The following BCAS3 variants were observed in gnomAD, a reference collection of about 807,000 sequenced individuals.
The protein encoded by BCAS3 is BCAS4/BCAS3 fusion.
A neutral mutation model predicts 116.1 loss-of-function variants in BCAS3; 53 were observed. That is an observed-to-expected ratio of 0.46 (90% CI 0.37 to 0.57). BCAS3 has a LOEUF of 0.57. Ranked by LOEUF, BCAS3 falls within the 20% of genes least tolerant of loss-of-function variation. The probability of loss-of-function intolerance (pLI) is 0.00; values close to 1 mark genes in which losing one functional copy is unlikely to be tolerated. For synonymous variants in BCAS3, 391 were observed against 408.2 expected, an observed-to-expected ratio of 0.96 and a Z score of 0.51; for missense variants, 917 against 1,165.4, an observed-to-expected ratio of 0.79 and a Z score of 3.10.
In BCAS3 at chr17:60,911,119, C is replaced by CTTTT. The variant is rs1567849303; in HGVS notation, c.993+420_993+421insTTTT. ...GATTAATAAATTTTTTTCTTTTTTT[C>CTTTT]TTTCTTTTTTTTTTTTTTTTTGAGA... On this transcript the variant is annotated intron_variant, in intron 12 of 23. Coordinates refer to ENST00000407086, the MANE Select transcript of BCAS3 (RefSeq NM_017679.5). Among the ~76,000 whole-genome samples, 280 of 35,148 alleles carry CTTTT rather than the reference C, an allele frequency of 8.0e-3. 1 individual carries two copies. Among genetic ancestry groups the CTTTT allele is most frequent in the African/African-American group, 0.022 (262 of 11,784 alleles). 23.1% of individuals were successfully genotyped at this position (35,148 alleles called of 152,430 possible).
At chr17:60,926,453 TTAAA>T (rs1342384118) in intron 13 of BCAS3, among the ~76,000 whole-genome samples, 3 of 152,320 alleles carry the variant, frequency 2.0e-5, no homozygotes, top group Non-Finnish European at 4.4e-5. Context: ...ATAAAGCACT[TTAAA>T]TAATCTACCC....
chr17:60,990,371 A>G lies in BCAS3; in HGVS notation c.1486+136A>G. 1 of 912,808 alleles carries G rather than the reference A, an allele frequency of 1.1e-6. No individual in the cohort carries two copies. Among genetic ancestry groups the G allele is most frequent in the Non-Finnish European group, 1.6e-6 (1 of 633,666 alleles). 56.5% of individuals were successfully genotyped at this position (912,808 alleles called of 1,614,324 possible). A position where few individuals can be genotyped will look rare whatever the true frequency, so the allele number is the denominator to read the frequency against. On this transcript the variant is annotated intron_variant, in intron 15 of 23. Transcript: ENST00000407086. The surrounding 1 kb of genome is among the most constrained non-coding windows in gnomAD (Gnocchi z 5.1). ...ATCTTAGGCTTATATGAAATTCTTA[A>G]TTATTAAATAATTTAATAAATTGGA... is the stretch of plus-strand genomic sequence containing the variant.
intron 19 of BCAS3, among the ~76,000 whole-genome samples, chr17:61,066,152 A>G (rs1183634892): frequency 6.6e-6 from 1 of 152,188 alleles, no homozygotes; most frequent in Non-Finnish European, 1.5e-5. Flanking sequence ...AACATCTGCT[A>G]GAGTTGGGAG....
At chr17:60,848,345 G>A (rs1345874485) in intron 7 of BCAS3, among the ~76,000 whole-genome samples, 3 of 152,088 alleles carry the variant, frequency 2.0e-5, no homozygotes, top group South Asian at 2.1e-4. Context: ...CTGGAATTTC[G>A]AAAGATATTG....
chr17:60,812,955 C>G (rs1403704090), intron 7 of BCAS3, among the ~76,000 whole-genome samples: 1 of 152,096 alleles, frequency 6.6e-6, no homozygotes, highest in Non-Finnish European at 1.5e-5. Flanking sequence ...GTTACCCAGG[C>G]TGGTCTTGAA....
intron 19 of BCAS3, among the ~76,000 whole-genome samples, chr17:61,044,465 A>AAAAAAAAAAAAAAAATATATAT: frequency 3.3e-5 from 4 of 120,116 alleles, no homozygotes; most frequent in African/African-American, 1.5e-4. Flanking sequence ...AAAAAAAAAA[A>AAAAAAAAAAAAAAAATATATAT]ATATATATAT....
rs866335740 is a variant in BCAS3, at chr17:61,141,643, C to G, written c.2425+57079C>G. 6.6e-6 allele frequency among the ~76,000 whole-genome samples: 1 copy of G among 152,118 alleles called. No homozygotes were observed. Among genetic ancestry groups the G allele is most frequent in the Non-Finnish European group, 1.5e-5 (1 of 68,008 alleles). ...ACAGGCTGGGCGTGGTGGCTCACAC[C>G]TGTAATCCCAGCTCTTTGAGAGGCT... On this transcript the variant is annotated intron_variant, in intron 22 of 23. Transcript: ENST00000407086. The surrounding 1 kb of genome is among the most constrained non-coding windows in gnomAD (Gnocchi z 4.3).
intron 3 of BCAS3, among the ~76,000 whole-genome samples, chr17:60,686,582 A>G (rs2034086221): frequency 6.6e-6 from 1 of 151,816 alleles, no homozygotes; most frequent in African/African-American, 2.4e-5. Flanking sequence ...CTGGAGTGCA[A>G]TGGCATAATC....
chr17:60,712,075 GA>G (rs1174846760), intron 5 of BCAS3, among the ~76,000 whole-genome samples: 2 of 152,348 alleles, frequency 1.3e-5, no homozygotes, highest in South Asian at 2.1e-4. Context: ...TGAGGCAGGA[GA>G]ATCGCTTGAA....
At chr17:61,183,534 G>A (rs557696332) in intron 22 of BCAS3, among the ~76,000 whole-genome samples, 1 of 152,144 alleles carries the variant, frequency 6.6e-6, no homozygotes, top group Non-Finnish European at 1.5e-5. Context: ...TTGTTAAGAT[G>A]TTTAAAATGT....
chr17:61,090,671 T>C (rs967303657), intron 22 of BCAS3, among the ~76,000 whole-genome samples: 1 of 152,182 alleles, frequency 6.6e-6, no homozygotes, highest in Non-Finnish European at 1.5e-5. Flanking sequence ...TTCTTTCTTT[T>C]TTTTGAGATG....
chr17:61,138,557 T>C (rs1352665122), intron 22 of BCAS3, among the ~76,000 whole-genome samples: 1 of 152,250 alleles, frequency 6.6e-6, no homozygotes, highest in Non-Finnish European at 1.5e-5. Flanking sequence ...TTGCATTTTT[T>C]ACTGACTTGA....
Position 61,046,097 on chromosome 17 carries a change from A to T in BCAS3, c.2029+5205A>T, listed in dbSNP as rs865983355. ...ATATATATATTTATATATATATATAATATATATATATATAAAGTAAAATAA... is the reference window on the plus strand; with the variant it reads ...ATATATATATTTATATATATATATATTATATATATATATAAAGTAAAATAA... On this transcript the variant is annotated intron_variant, in intron 19 of 23. Coordinates refer to ENST00000407086, the MANE Select transcript of BCAS3 (RefSeq NM_017679.5). Among the ~76,000 whole-genome samples the T allele has an allele frequency of 4.4e-3, 234 of 53,526 alleles. 15 individuals are homozygous for T. Among genetic ancestry groups the T allele is most frequent in the African/African-American group, 0.015 (199 of 13,630 alleles). The allele number at this position is 53,526 out of a possible 152,430, so 35.1% of individuals were successfully genotyped here.
At position 61,204,572 on chromosome 17, in the gene BCAS3, A is replaced by C. The variant is rs1049477732; in HGVS notation, c.2425+120008A>C. On this transcript the variant is annotated intron_variant, in intron 22 of 23. Coordinates refer to ENST00000407086, the MANE Select transcript of BCAS3 (RefSeq NM_017679.5). This position sits in a 1 kb window ranked among gnomAD's most constrained non-coding sequence, Gnocchi z 4.2. ...TCATCATTGTAACTTTCTTAAAAAC[A>C]GAATTTATAGCCCCTTTATTAAATA... Among the ~76,000 whole-genome samples, 13 of 152,230 alleles carry C rather than the reference A, an allele frequency of 8.5e-5. No homozygotes were observed. Among genetic ancestry groups the C allele is most frequent in the Admixed American group, 8.5e-4 (13 of 15,286 alleles).
chr17:60,776,346 C>T (rs1163218640), intron 6 of BCAS3, among the ~76,000 whole-genome samples: 2 of 152,176 alleles, frequency 1.3e-5, no homozygotes, highest in African/African-American at 2.4e-5. Context: ...TAATATCTCA[C>T]ATTAGTTGTT....
intron 7 of BCAS3, among the ~76,000 whole-genome samples, chr17:60,815,638 G>A (rs958546586): frequency 1.5e-4 from 23 of 152,162 alleles, no homozygotes; most frequent in African/African-American, 5.5e-4. Flanking sequence ...CAGTTTATAG[G>A]CATAAATATA....
chr17:61,238,155 C>G (rs944366328), intron 22 of BCAS3, among the ~76,000 whole-genome samples: 1 of 151,976 alleles, frequency 6.6e-6, no homozygotes, highest in African/African-American at 2.4e-5. Flanking sequence ...TGGGTTCAAG[C>G]GATTTTCCTA....
intron 6 of BCAS3, among the ~76,000 whole-genome samples, chr17:60,800,176 G>A (rs2047644585): frequency 6.6e-6 from 1 of 152,128 alleles, no homozygotes; most frequent in South Asian, 2.1e-4. Context: ...AATTACCAAG[G>A]AGTGATGATT....
At chr17:60,977,984 C>A (rs960630488) in intron 14 of BCAS3, among the ~76,000 whole-genome samples, 2 of 142,286 alleles carry the variant, frequency 1.4e-5, no homozygotes, top group Non-Finnish European at 2.9e-5. Flanking sequence ...GTCTTTATAG[C>A]AGCATGATTT....
Sources: gnomAD v4.1 joint callset for allele counts (sites outside exome capture counted in the v4.1 genomes callset) on GRCh38, gnomAD v4.1.1 for gene constraint, Gnocchi (gnomAD v3.1) non-coding constraint, MANE v1.5 for transcripts, NCBI Gene and HGNC (gene_info 2026-07-23, HGNC 2026-07-21) for gene names.